ZBTB7A: variants seen among roughly 807,000 people sequenced by gnomAD.
ZBTB7A encodes zinc finger and BTB domain-containing protein 7A.
In ZBTB7A, 7 loss-of-function variants were observed where a neutral mutation model predicts 26.7. That is an observed-to-expected ratio of 0.26 (90% CI 0.15 to 0.49). The LOEUF is 0.49. ZBTB7A is among the 20% of genes least tolerant of loss of function. ZBTB7A has a pLI of 0.98. For synonymous variants in ZBTB7A, 452 were observed against 441.0 expected (o/e 1.02, Z -0.31); for missense variants, 617 against 919.5 (o/e 0.67, Z 4.25).
chr19:4,055,545 T>A, intron 1 of ZBTB7A: 1 of 920,308 alleles, frequency 1.1e-6, no homozygotes, highest in Non-Finnish European at 1.3e-6. Context: ...GGCCTCGGCC[T>A]GGCGCGGTGG....
chr19:4,064,849 G>GC (rs1391142166), intron 1 of ZBTB7A, among the ~76,000 whole-genome samples: 27 of 152,056 alleles, frequency 1.8e-4, no homozygotes, highest in Non-Finnish European at 3.4e-4. Context: ...CCAACTCCTG[G>GC]CTGCATTCCG....
rs1315053316 is a variant in ZBTB7A, at chr19:4,044,853, C to G, written c.*2899G>C. 6.6e-6 allele frequency: 1 copy of G among 151,734 alleles called. No homozygotes were observed. Among genetic ancestry groups the G allele is most frequent in the Non-Finnish European group, 1.5e-5 (1 of 67,956 alleles). The allele number at this position is 151,734 out of a possible 1,614,324, so 9.4% of individuals were successfully genotyped here. On this transcript the variant is annotated 3_prime_UTR_variant, in exon 3 of 3. Coordinates refer to ENST00000322357, the MANE Select transcript of ZBTB7A (RefSeq NM_015898.4). ...TTTTGTTTGTTTGTTTCCTGAAACGCGAGAATTCAGCAGGTATCTTTGGCA... is the reference window on the plus strand; with the variant it reads ...TTTTGTTTGTTTGTTTCCTGAAACGGGAGAATTCAGCAGGTATCTTTGGCA...
chr19:4,048,376 C>T lies in ZBTB7A; in HGVS notation c.1263-132G>A, dbSNP rs981481949. 17 of 1,276,014 alleles carry T rather than the reference C, an allele frequency of 1.3e-5. No homozygotes were observed. Among genetic ancestry groups the T allele is most frequent in the South Asian group, 9.2e-5 (5 of 54,456 alleles). The allele number at this position is 1,276,014 out of a possible 1,614,324, so 79.0% of individuals were successfully genotyped here. A position where few individuals can be genotyped will look rare whatever the true frequency, so the allele number is the denominator to read the frequency against. ...AACACGGACCGTGCACCAGAGGTTT[C>T]GGTGCCCCGATGGGGACGGTCCCTC... On this transcript the variant is annotated intron_variant, in intron 2 of 2. Coordinates refer to ENST00000322357, the MANE Select transcript of ZBTB7A (RefSeq NM_015898.4). This position sits in a 1 kb window ranked among gnomAD's most constrained non-coding sequence, Gnocchi z 6.7.
rs933270115 is a variant in ZBTB7A at position 4,052,468 on chromosome 19, C to A, written c.1262+1503G>T. Among the ~76,000 whole-genome samples, 4 of 151,962 alleles carry A rather than the reference C, an allele frequency of 2.6e-5. No homozygotes were observed. The highest frequency in any genetic ancestry group is 4.4e-5 in the Non-Finnish European group (3 of 67,944). ...GCACTCCTGGGCGCCGGAGTCCAGGCCGCACCTTCCTCTCCTGGCCTGCTG... is the reference window on the plus strand; with the variant it reads ...GCACTCCTGGGCGCCGGAGTCCAGGACGCACCTTCCTCTCCTGGCCTGCTG... On this transcript the variant is annotated intron_variant, in intron 2 of 2. Coordinates refer to ENST00000322357, the MANE Select transcript of ZBTB7A (RefSeq NM_015898.4). This position sits in a 1 kb window ranked among gnomAD's most constrained non-coding sequence, Gnocchi z 4.9.
At position 4,055,037 on chromosome 19, in the gene ZBTB7A, C is replaced by A; in HGVS notation, c.196G>T (p.Gly66Cys). The A allele has an allele frequency of 6.2e-7, 1 of 1,610,616 alleles. No homozygotes were observed. The highest frequency in any genetic ancestry group is 1.7e-4 in the Middle Eastern group (1 of 6,050). The part of the protein sequence containing the change: ...SQYFKKLFTS[G>C]AVVDQQNVYE... The stretch of plus-strand genomic sequence containing the variant: ...ACGTTCTGCTGGTCCACCACGGCGC[C>A]CGACGTGAACAGCTTCTTGAAGTAC... The change falls in exon 2 of 3, where the codon GGC becomes TGC. Residue 66 changes from glycine to cysteine, a missense_variant. Physicochemically the swap from Gly to Cys is radical, Grantham distance 159. Around this residue, in one of 5 missense-constraint regions of ZBTB7A, gnomAD observed 82 missense variants for 195.2 expected, o/e 0.42. Coordinates refer to ENST00000322357, the MANE Select transcript of ZBTB7A (RefSeq NM_015898.4).
chr19:4,056,854 G>A (rs897766890), intron 1 of ZBTB7A, among the ~76,000 whole-genome samples: 2 of 151,120 alleles, frequency 1.3e-5, no homozygotes, highest in Admixed American at 6.6e-5. Context: ...GCCACAGAGC[G>A]AGACTCCGTC....
Position 4,043,853 on chromosome 19 carries a change from C to G in ZBTB7A, c.*3899G>C, listed in dbSNP as rs906365658. Among the ~76,000 whole-genome samples, 12 of 145,786 alleles carry G rather than the reference C, an allele frequency of 8.2e-5. 1 individual carries two copies. Among genetic ancestry groups the G allele is most frequent in the South Asian group, 4.6e-4 (2 of 4,388 alleles). ...GCGCCAGCCACCCACCACCCCCCCC[C>G]CCCCACCTCCAGGAAGGCTGCTTCA... On this transcript the variant is annotated 3_prime_UTR_variant, in exon 3 of 3. Coordinates refer to ENST00000322357, the MANE Select transcript of ZBTB7A (RefSeq NM_015898.4).
At chr19:4,064,000 G>GA (rs1224112765) in intron 1 of ZBTB7A, among the ~76,000 whole-genome samples, 1 of 152,112 alleles carries the variant, frequency 6.6e-6, no homozygotes, top group Non-Finnish European at 1.5e-5. Context: ...GAAAGAAAAG[G>GA]AAAAAACAAA....
intron 1 of ZBTB7A, among the ~76,000 whole-genome samples, chr19:4,055,740 A>G (rs1030650270): frequency 5.3e-5 from 8 of 152,112 alleles, no homozygotes; most frequent in African/African-American, 1.2e-4. Flanking sequence ...GGAGAATGGC[A>G]TGAACCCAGG....
At chr19:4,059,931 C>T (rs780174293) in intron 1 of ZBTB7A, among the ~76,000 whole-genome samples, 8 of 152,272 alleles carry the variant, frequency 5.3e-5, no homozygotes, top group East Asian at 1.9e-4. Context: ...GCCCGACACA[C>T]GGTACACGCC....
chr19:4,047,684 G>C lies in ZBTB7A; in HGVS notation c.*68C>G, dbSNP rs2040439190. The C allele has an allele frequency of 6.5e-7, 1 of 1,530,268 alleles. No individual in the cohort carries two copies. Among genetic ancestry groups the C allele is most frequent in the African/African-American group, 1.4e-5 (1 of 70,188 alleles). 94.8% of individuals were successfully genotyped at this position (1,530,268 alleles called of 1,614,324 possible). ...TCTTTTTTTGTGTTTTTGGGGGGGT[G>C]GTGGGTGATTTTTTTTCTCTCTCTC... is the stretch of plus-strand genomic sequence containing the variant. On this transcript the variant is annotated 3_prime_UTR_variant, in exon 3 of 3. Coordinates refer to ENST00000322357, the MANE Select transcript of ZBTB7A (RefSeq NM_015898.4).
chr19:4,046,603 A>T lies in ZBTB7A; in HGVS notation c.*1149T>A. The T allele has an allele frequency of 6.7e-6, 1 of 148,628 alleles. No homozygotes were observed. Among genetic ancestry groups the T allele is most frequent in the Admixed American group, 6.7e-5 (1 of 14,932 alleles). The allele number at this position is 148,628 out of a possible 1,614,324, so 9.2% of individuals were successfully genotyped here. A position where few individuals can be genotyped will look rare whatever the true frequency, so the allele number is the denominator to read the frequency against. On this transcript the variant is annotated 3_prime_UTR_variant, in exon 3 of 3. Coordinates refer to ENST00000322357, the MANE Select transcript of ZBTB7A (RefSeq NM_015898.4). ...TTTTTTTCCTTCCTTTCATTTTGTAAAACCTTTTTTTTTTCTAGTTTGTTT... is the reference window on the plus strand; with the variant it reads ...TTTTTTTCCTTCCTTTCATTTTGTATAACCTTTTTTTTTTCTAGTTTGTTT...
Position 4,047,897 on chromosome 19 carries a change from T to TGA in ZBTB7A, c.1609_1610insTC (p.His537LeufsTer21). The TGA allele has an allele frequency of 6.3e-7, 1 of 1,578,210 alleles. No individual in the cohort carries two copies. Among genetic ancestry groups the TGA allele is most frequent in the Non-Finnish European group, 8.6e-7 (1 of 1,164,290 alleles). ...CTCGTCCTCGTCCTCGTCCTTAAAG[T>TGA]GCTTCTCCTGGCCGTTGCGCCGGGC... On this transcript the variant is annotated frameshift_variant, in exon 3 of 3. Transcript: ENST00000322357. LOFTEE classifies it low-confidence loss of function (END_TRUNC).
Position 4,047,493 on chromosome 19 carries a change from T to C in ZBTB7A, c.*259A>G. 2 of 206,502 alleles carry C rather than the reference T, an allele frequency of 9.7e-6. No homozygotes were observed. The highest frequency in any genetic ancestry group is 1.9e-5 in the Non-Finnish European group (2 of 107,316). The allele number at this position is 206,502 out of a possible 1,614,324, so 12.8% of individuals were successfully genotyped here. A position where few individuals can be genotyped will look rare whatever the true frequency, so the allele number is the denominator to read the frequency against. On this transcript the variant is annotated 3_prime_UTR_variant, in exon 3 of 3. Coordinates refer to ENST00000322357, the MANE Select transcript of ZBTB7A (RefSeq NM_015898.4). ...CAAGCCCCGAAACCCAGCGATGGGG[T>C]GGTGGGGGGAAGGGGAGCCAGGGAG...
At chr19:4,064,056 C>T (rs1001502032) in intron 1 of ZBTB7A, among the ~76,000 whole-genome samples, 1 of 152,234 alleles carries the variant, frequency 6.6e-6, no homozygotes, top group Non-Finnish European at 1.5e-5. Context: ...CCCCAGGAAC[C>T]TTTCCGACCA....
chr19:4,048,314 C>A lies in ZBTB7A; in HGVS notation c.1263-70G>T. 1 of 1,476,162 alleles carries A rather than the reference C, an allele frequency of 6.8e-7. No individual in the cohort carries two copies. The highest frequency in any genetic ancestry group is 8.9e-7 in the Non-Finnish European group (1 of 1,122,878). The allele number at this position is 1,476,162 out of a possible 1,614,324, so 91.4% of individuals were successfully genotyped here. On this transcript the variant is annotated intron_variant, in intron 2 of 2. Transcript: ENST00000322357. This position sits in a 1 kb window ranked among gnomAD's most constrained non-coding sequence, Gnocchi z 6.7. ...CCCCCGATCCCCGCCCAGGGACCCTCACGGACACGGCAGGCCCTGGATCAT... is the reference window on the plus strand; with the variant it reads ...CCCCCGATCCCCGCCCAGGGACCCTAACGGACACGGCAGGCCCTGGATCAT...
rs1447348105 is a variant in ZBTB7A at position 4,053,939 on chromosome 19, G to A, written c.1262+32C>T. The A allele has an allele frequency of 3.8e-6, 6 of 1,561,952 alleles. No individual in the cohort carries two copies. In the Admixed American group the frequency reaches 5.2e-5, roughly 14 times the overall value. ...GCGGCGGATGCTGGGGCAGAGAGCA[G>A]GACGGCGCCTCCCCCGCGGCGGGCA... On this transcript the variant is annotated intron_variant, in intron 2 of 2. Coordinates refer to ENST00000322357, the MANE Select transcript of ZBTB7A (RefSeq NM_015898.4).
At chr19:4,063,410 G>GC (rs1044561228) in intron 1 of ZBTB7A, among the ~76,000 whole-genome samples, 1 of 152,206 alleles carries the variant, frequency 6.6e-6, no homozygotes, top group Non-Finnish European at 1.5e-5. Flanking sequence ...AAAACCCAGA[G>GC]CCCTGCCCGC....
chr19:4,054,843 C>G lies in ZBTB7A; in HGVS notation c.390G>C (p.Gln130His), dbSNP rs747990059. ...SHVCADLLDR[Q>H]ILAADAGADA... ...CGGCGCCCGCGTCGGCCGCCAGGATCTGCCGGTCCAGGAGGTCGGCGCACA... is the reference window on the plus strand; with the variant it reads ...CGGCGCCCGCGTCGGCCGCCAGGATGTGCCGGTCCAGGAGGTCGGCGCACA... The change falls in exon 2 of 3, where the codon CAG becomes CAC. Residue 130 changes from glutamine to histidine, a missense_variant. This residue lies in a region of ZBTB7A where 331 missense variants were observed against 391.3 expected (regional missense o/e 0.85). Coordinates refer to ENST00000322357, the MANE Select transcript of ZBTB7A (RefSeq NM_015898.4). 5.0e-5 allele frequency: 81 copies of G among 1,607,260 alleles called. No individual in the cohort carries two copies. The highest frequency in any genetic ancestry group is 6.8e-5 in the Non-Finnish European group (80 of 1,176,802).
Sources: gnomAD v4.1 joint callset for allele counts (sites outside exome capture counted in the v4.1 genomes callset) on GRCh38, gnomAD v4.1.1 for gene constraint, gnomAD v4.1.1 regional missense constraint, Gnocchi (gnomAD v3.1) non-coding constraint, MANE v1.5 for transcripts, NCBI Gene and HGNC (gene_info 2026-07-23, HGNC 2026-07-21) for gene names.